The following DNAH8 variants were observed in gnomAD, a reference collection of about 807,000 sequenced individuals.
DNAH8 encodes the protein axonemal beta dynein heavy chain 8.
In DNAH8, 382 loss-of-function variants were observed where a neutral mutation model predicts 562.1. The ratio of observed to expected loss-of-function variants is 0.68; its 90% CI spans 0.63 to 0.74. The LOEUF is 0.74. Ranked by LOEUF, DNAH8 falls within the 30% of genes least tolerant of loss-of-function variation. The pLI is 0.00. For synonymous variants in DNAH8, 1,881 were observed against 1,919.4 expected, an observed-to-expected ratio of 0.98 and a Z score of 0.52; for missense variants, 5,203 against 5,620.4, an observed-to-expected ratio of 0.93 and a Z score of 2.37.
rs143535343 is a variant in DNAH8, at chr6:38,842,738, T to C, written c.4680T>C (p.Ser1560=). The change falls in exon 35 of 93, where the codon AGT becomes AGC. Residue 1560 remains serine, a synonymous_variant. Transcript: ENST00000327475. ...TCAAAAAGAGAATTGATGATTTCAG[T>C]GAGTCATGTCCTCTACTGGAAATGA... ...LDLKKRIDDF[S]ESCPLLEMMT... 7 of 1,613,760 alleles carry C rather than the reference T, an allele frequency of 4.3e-6. No individual in the cohort carries two copies. In the African/African-American group the frequency reaches 9.3e-5, roughly 22 times the overall value.
At chr6:38,842,589 A>G (rs1285510337) in intron 34 of DNAH8, 74 bp from the exon 35 acceptor site, 5 of 1,579,214 alleles carry the variant, frequency 3.2e-6, no homozygotes, top group Non-Finnish European at 4.3e-6. Flanking sequence ...CCCTAATATA[A>G]TAGTGTATAT....
chr6:38,926,015 G>A, intron 73 of DNAH8, 40 bp from the exon 74 acceptor site: 1 of 1,577,952 alleles, frequency 6.3e-7, no homozygotes, highest in Non-Finnish European at 8.6e-7. Flanking sequence ...GGGCATTCCT[G>A]TTCTCCTTTG....
intron 82 of DNAH8, among the ~76,000 whole-genome samples, chr6:38,962,894 A>G (rs999922922): frequency 1.3e-4 from 20 of 152,208 alleles, no homozygotes; most frequent in African/African-American, 4.8e-4. Context: ...AACCAAACAT[A>G]TGTTCTCACT....
At position 38,974,480 on chromosome 6, in the gene DNAH8, T is replaced by A. The variant is rs752320612; in HGVS notation, c.12785T>A (p.Met4262Lys). 7 of 1,614,010 alleles carry A rather than the reference T, an allele frequency of 4.3e-6. No individual in the cohort carries two copies. ...QDLLDISNLP[M>K]WKPMLYTVAF... ...CTTCTGGACATCAGTAATTTACCCA[T>A]GTGGAAGCCGATGCTTTACACAGTA... Residue 4262 changes from methionine (M) to lysine (K), a missense_variant, in exon 85 of 93, where the codon ATG becomes AAG. Met to Lys is a moderately conservative substitution (Grantham distance 95, BLOSUM62 -1). This residue lies in a region of DNAH8 where 1,399 missense variants were observed against 1,518.4 expected (regional missense o/e 0.92). Transcript: ENST00000327475.
At chr6:38,998,048 G>A (rs1765257800) in intron 88 of DNAH8, among the ~76,000 whole-genome samples, 1 of 152,198 alleles carries the variant, frequency 6.6e-6, no homozygotes, top group South Asian at 2.1e-4. Flanking sequence ...ATGAGCCACG[G>A]TGCCCAGCCA....
chr6:38,961,743 G>C (rs1762616478), intron 82 of DNAH8, among the ~76,000 whole-genome samples: 1 of 151,884 alleles, frequency 6.6e-6, no homozygotes, highest in South Asian at 2.1e-4. Context: ...GATACTTATT[G>C]GCGAACAACT....
chr6:38,938,757 A>T lies in DNAH8; in HGVS notation c.11817-41A>T, dbSNP rs767743470. ...GAACTTGAAAGTTTTTTAAAAAAAG[A>T]AATTGCCCTTTGCTTCTTTGATTCT... On this transcript the variant is annotated intron_variant, in intron 78 of 92. Transcript: ENST00000327475. The T allele has an allele frequency of 9.6e-6, 14 of 1,462,404 alleles. No homozygotes were observed. In the South Asian group the frequency reaches 1.5e-4, roughly 16 times the overall value. The allele number at this position is 1,462,404 out of a possible 1,614,324, so 90.6% of individuals were successfully genotyped here. A position where few individuals can be genotyped will look rare whatever the true frequency, so the allele number is the denominator to read the frequency against.
chr6:38,898,252 C>T lies in DNAH8; in HGVS notation c.8941-6C>T, dbSNP rs769128178. The T allele has an allele frequency of 3.2e-5, 50 of 1,582,576 alleles. No homozygotes were observed. The East Asian group carries it at 1.1e-3, about 35-fold the overall frequency. ...ATTATTTTTTTATCTTTCTCTCCAC[C>T]CATAGATGCCATCCTTTGACTTTCT... On this transcript the variant is annotated splice_region_variant and splice_polypyrimidine_tract_variant and intron_variant, in intron 60 of 92. Transcript: ENST00000327475.
chr6:38,721,513 AAGAGAG>A (rs58302350), intron 1 of DNAH8, among the ~76,000 whole-genome samples: 3 of 147,320 alleles, frequency 2.0e-5, no homozygotes, highest in South Asian at 4.5e-4. Flanking sequence ...ACAAAAGAGA[AAGAGAG>A]AGAGAGAGAG....
rs1284900345 is a variant in DNAH8 at position 38,866,822 on chromosome 6, G to C, written c.6639G>C (p.Leu2213Phe). ...ASCGFLENVI[L>F]AQKFYVLYKL... is the part of the protein sequence containing the mutation. The stretch of plus-strand genomic sequence containing the variant: ...GTGGTTTTCTTGAAAATGTTATCTT[G>C]GCTCAAAAATTTTACGTTCTTTACA... The change falls in exon 47 of 93, where the codon TTG becomes TTC. Residue 2213 changes from leucine to phenylalanine, a missense_variant. By Grantham distance (22) the Leu-to-Phe change is conservative. Transcript: ENST00000327475. 1 of 1,613,166 alleles carries C rather than the reference G, an allele frequency of 6.2e-7. No individual in the cohort carries two copies. Among genetic ancestry groups the C allele is most frequent in the African/African-American group, 1.3e-5 (1 of 74,838 alleles).
At chr6:38,967,302 GA>G (rs761068722) in intron 82 of DNAH8, among the ~76,000 whole-genome samples, 119 of 139,784 alleles carry the variant, frequency 8.5e-4, no homozygotes, top group Middle Eastern at 3.6e-3. Flanking sequence ...ACCAGGCAAA[GA>G]AAAAAAAAAA....
intron 76 of DNAH8, 141 bp downstream of exon 76, chr6:38,932,134 C>A: frequency 1.9e-6 from 1 of 529,048 alleles, no homozygotes; most frequent in East Asian, 4.0e-5. Flanking sequence ...CTTTTGCAGC[C>A]TTAATTCCTG....
At chr6:38,892,508 T>C (rs1366123698) in intron 58 of DNAH8, among the ~76,000 whole-genome samples, 1 of 152,124 alleles carries the variant, frequency 6.6e-6, no homozygotes, top group Non-Finnish European at 1.5e-5. Flanking sequence ...ATGGCCTACA[T>C]CGAGTCCATC....
chr6:38,986,782 A>G (rs886510283), intron 87 of DNAH8, among the ~76,000 whole-genome samples: 2 of 152,212 alleles, frequency 1.3e-5, no homozygotes, highest in African/African-American at 4.8e-5. Flanking sequence ...GCCACTGGAC[A>G]CAGAATGGGG....
chr6:39,013,534 G>A (rs1766365380), intron 91 of DNAH8, among the ~76,000 whole-genome samples: 2 of 152,208 alleles, frequency 1.3e-5, no homozygotes, highest in African/African-American at 2.4e-5. Context: ...GATAATGACT[G>A]TAGAAGGAGG....
intron 79 of DNAH8, among the ~76,000 whole-genome samples, chr6:38,942,769 C>G (rs2150606178): frequency 6.6e-6 from 1 of 152,270 alleles, no homozygotes; most frequent in Middle Eastern, 3.4e-3. Context: ...TGTGGGAAGC[C>G]TGGAGGGCAG....
intron 79 of DNAH8, among the ~76,000 whole-genome samples, chr6:38,943,107 A>C (rs1217514123): frequency 6.6e-6 from 1 of 152,230 alleles, no homozygotes; most frequent in Non-Finnish European, 1.5e-5. Flanking sequence ...GTTTGGATTT[A>C]ATTTAGTTGG....
intron 37 of DNAH8, among the ~76,000 whole-genome samples, chr6:38,849,099 T>A (rs1393817852): frequency 6.6e-6 from 1 of 152,018 alleles, no homozygotes; most frequent in African/African-American, 2.4e-5. Context: ...ACAGAAAAAG[T>A]TTTTTAGGAA....
chr6:38,948,232 G>A (rs1356988974), intron 80 of DNAH8, among the ~76,000 whole-genome samples: 2 of 152,220 alleles, frequency 1.3e-5, no homozygotes, highest in Non-Finnish European at 2.9e-5. Context: ...AGGGGTCATA[G>A]AGGAAAAAGT....
Sources: allele counts gnomAD v4.1 joint callset (sites outside exome capture counted in the v4.1 genomes callset), GRCh38; gene constraint gnomAD v4.1.1; regional missense constraint gnomAD v4.1.1; transcripts MANE v1.5; gene names NCBI Gene and HGNC (gene_info 2026-07-23, HGNC 2026-07-21).